Variants in SCUBE1 observed in about 807,000 individuals in gnomAD.
SCUBE1 encodes the protein signal peptide, CUB and EGF-like domain-containing protein 1.
In SCUBE1, 59 loss-of-function variants were observed where a neutral mutation model predicts 124.4. That is an observed-to-expected ratio of 0.47 (90% CI 0.38 to 0.59). The LOEUF is 0.59. Ranked by LOEUF, SCUBE1 falls within the 20% of genes least tolerant of loss-of-function variation. SCUBE1 has a pLI of 0.00. For missense variants in SCUBE1, 1,150 were observed against 1,371.2 expected (o/e 0.84, Z 2.55); for synonymous variants, 545 against 550.9 (o/e 0.99, Z 0.15).
At chr22:43,338,911 C>T (rs1397879757) in intron 2 of SCUBE1, among the ~76,000 whole-genome samples, 193 bp downstream of exon 2, 1 of 152,250 alleles carries the variant, frequency 6.6e-6, no homozygotes, top group Non-Finnish European at 1.5e-5. Flanking sequence ...CTCCACCCTT[C>T]CAGGGAAGCA....
intron 8 of SCUBE1, among the ~76,000 whole-genome samples, chr22:43,229,580 C>G (rs1922469915): frequency 6.6e-6 from 1 of 152,168 alleles, no homozygotes; most frequent in Non-Finnish European, 1.5e-5. Flanking sequence ...GGGGAGGCAG[C>G]TGACTTGGGA....
intron 4 of SCUBE1, among the ~76,000 whole-genome samples, chr22:43,285,002 C>G (rs555535697): frequency 2.6e-5 from 4 of 152,156 alleles, no homozygotes; most frequent in Non-Finnish European, 5.9e-5. Flanking sequence ...AAACTCCGAA[C>G]GTTAACCAGA....
chr22:43,238,472 T>C, intron 7 of SCUBE1: 1 of 564,896 alleles, frequency 1.8e-6, no homozygotes, highest in East Asian at 2.9e-5. Context: ...ACGCGCTACA[T>C]TCTACGCGCC....
At position 43,255,516 on chromosome 22, in the gene SCUBE1, G is replaced by A. The variant is rs1179590646; in HGVS notation, c.727+2703C>T. The A allele has an allele frequency of 4.5e-6, 7 of 1,550,504 alleles. No homozygotes were observed. The highest frequency in any genetic ancestry group is 1.4e-5 in the African/African-American group (1 of 73,052). On this transcript the variant is annotated intron_variant, in intron 6 of 21. Transcript: ENST00000360835. This position sits in a 1 kb window ranked among gnomAD's most constrained non-coding sequence, Gnocchi z 4.7. ...TGAGTAGCCGCCGTTTCACCCGCTT[G>A]TCCACATCAGCTACTGACGTGGCAT...
At position 43,239,958 on chromosome 22, in the gene SCUBE1, C is replaced by T. The variant is rs578239202; in HGVS notation, c.728-1004G>A. Among the ~76,000 whole-genome samples the T allele has an allele frequency of 2.1e-4, 32 of 152,298 alleles. No homozygotes were observed. The Middle Eastern group carries it at 0.01, about 49-fold the overall frequency. ...CTCTGTTCCTGTGCTGTGGGGTCTG[C>T]GTTTCTGCAGGCTGGGGGGAGTCAA... On this transcript the variant is annotated intron_variant, in intron 6 of 21. Transcript: ENST00000360835.
intron 12 of SCUBE1, among the ~76,000 whole-genome samples, chr22:43,222,307 T>C (rs1339356949): frequency 6.6e-6 from 1 of 152,208 alleles, no homozygotes; most frequent in Non-Finnish European, 1.5e-5. Flanking sequence ...CGGGAGAACC[T>C]AATAGCCACA....
intron 4 of SCUBE1, among the ~76,000 whole-genome samples, chr22:43,285,769 C>T (rs1022519929): frequency 3.3e-5 from 5 of 152,196 alleles, no homozygotes; most frequent in South Asian, 2.1e-4. Context: ...CTCAAACCTC[C>T]GCAGGAAGGA....
rs1223915183 is a variant in SCUBE1 at position 43,289,987 on chromosome 22, G to A, written c.484+1059C>T. On this transcript the variant is annotated intron_variant, in intron 4 of 21. Coordinates refer to ENST00000360835, the MANE Select transcript of SCUBE1 (RefSeq NM_173050.5). The stretch of plus-strand genomic sequence containing the variant: ...GCCTCCAGCGCCTCCTCCTTGTTAA[G>A]GGTCAGCAATGGGGGCGTGCCTGAA... 5.9e-5 allele frequency among the ~76,000 whole-genome samples: 9 copies of A among 152,180 alleles called. 1 individual carries two copies. Among genetic ancestry groups the A allele is most frequent in the Admixed American group, 5.9e-4 (9 of 15,276 alleles).
chr22:43,299,939 C>T (rs1170517276), intron 3 of SCUBE1, among the ~76,000 whole-genome samples: 1 of 152,220 alleles, frequency 6.6e-6, no homozygotes, highest in Non-Finnish European at 1.5e-5. Context: ...GCATCCATGT[C>T]GTAGCGTGAC....
chr22:43,295,774 T>C (rs1236796034), intron 3 of SCUBE1, among the ~76,000 whole-genome samples: 1 of 152,180 alleles, frequency 6.6e-6, no homozygotes, highest in East Asian at 1.9e-4. Flanking sequence ...ATTCACTCAC[T>C]CCGTGAACAC....
Position 43,240,006 on chromosome 22 carries a change from G to A in SCUBE1, c.728-1052C>T, listed in dbSNP as rs113286099. Among the ~76,000 whole-genome samples the A allele has an allele frequency of 5.1e-3, 774 of 152,236 alleles. 7 individuals are homozygous for A. The highest frequency in any genetic ancestry group is 0.018 in the African/African-American group (745 of 41,504). ...CAATGAATACATACCCTCAGCTGTC[G>A]GGACTCCCTGGTGCTAATTAAATGA... On this transcript the variant is annotated intron_variant, in intron 6 of 21. Coordinates refer to ENST00000360835, the MANE Select transcript of SCUBE1 (RefSeq NM_173050.5).
Position 43,238,952 on chromosome 22 carries a change from T to C in SCUBE1, c.730A>G (p.Thr244Ala). The change falls in exon 7 of 22, where the codon ACG (threonine) becomes GCG (alanine). Residue 244 changes from threonine to alanine, a missense_variant and splice_region_variant. Physicochemically the swap from Thr to Ala is moderately conservative, Grantham distance 58. Around this residue, in one of 3 missense-constraint regions of SCUBE1, gnomAD observed 337 missense variants for 482.1 expected, o/e 0.70. Coordinates refer to ENST00000360835, the MANE Select transcript of SCUBE1 (RefSeq NM_173050.5). The part of the protein sequence containing the change: ...LHSDGRTCIE[T>A]CAVNNGGCDR... ...CAGCCTCCGTTATTGACTGCGCACG[T>C]CTCTGGGGAGGGAAAGAGACAGAGA... 6.2e-7 allele frequency: 1 copy of C among 1,609,042 alleles called. No homozygotes were observed. Among genetic ancestry groups the C allele is most frequent in the Non-Finnish European group, 8.5e-7 (1 of 1,176,550 alleles).
chr22:43,258,363 G>A lies in SCUBE1; in HGVS notation c.611-28C>T, dbSNP rs369128466. ...AGTTAGGCCCAAAGTGTACACACGG[G>A]TGTATAAACAGAACAACAAAAACGG... is the stretch of plus-strand genomic sequence containing the variant. On this transcript the variant is annotated intron_variant, in intron 5 of 21. Transcript: ENST00000360835. This position sits in a 1 kb window ranked among gnomAD's most constrained non-coding sequence, Gnocchi z 5.0. The A allele has an allele frequency of 7.0e-5, 105 of 1,508,094 alleles. No individual in the cohort carries two copies. The highest frequency in any genetic ancestry group is 8.9e-5 in the Non-Finnish European group (96 of 1,083,492). 93.4% of individuals were successfully genotyped at this position (1,508,094 alleles called of 1,614,324 possible).
chr22:43,214,225 C>A lies in SCUBE1; in HGVS notation c.1918G>T (p.Gly640Cys). ...GACACACACTGGCCGAGCTCACCAC[C>A]GAAGTGGGTGCCAGGCCCACAGGCA... is the stretch of plus-strand genomic sequence containing the variant. ...CVACGPGTHF[G>C]GELGQCVSCM... Residue 640 changes from glycine (G) to cysteine (C), a missense_variant, in exon 16 of 22, where the codon GGT becomes TGT. By Grantham distance (159) the Gly-to-Cys change is radical. Transcript: ENST00000360835. 7.4e-6 allele frequency: 12 copies of A among 1,612,596 alleles called. No homozygotes were observed. The highest frequency in any genetic ancestry group is 1.0e-5 in the Non-Finnish European group (12 of 1,179,690).
rs1362089254 is a variant in SCUBE1 at position 43,210,288 on chromosome 22, G to A, written c.2384-48C>T. ...GCCTCATCAGGCTCTGCTGGGCAGGGGCCCTGGCCGGCCAGGCCTCTAACC... is the reference window on the plus strand; with the variant it reads ...GCCTCATCAGGCTCTGCTGGGCAGGAGCCCTGGCCGGCCAGGCCTCTAACC... On this transcript the variant is annotated intron_variant, in intron 18 of 21. Transcript: ENST00000360835. The surrounding 1 kb of genome is among the most constrained non-coding windows in gnomAD (Gnocchi z 4.5). 2 of 1,453,550 alleles carry A rather than the reference G, an allele frequency of 1.4e-6. No homozygotes were observed. Among genetic ancestry groups the A allele is most frequent in the African/African-American group, 1.4e-5 (1 of 69,422 alleles). The allele number at this position is 1,453,550 out of a possible 1,614,324, so 90.0% of individuals were successfully genotyped here.
chr22:43,302,429 A>G (rs1342745974), intron 3 of SCUBE1, among the ~76,000 whole-genome samples: 7 of 152,164 alleles, frequency 4.6e-5, no homozygotes, highest in Admixed American at 3.9e-4. Context: ...CATTTCACTC[A>G]CTTTGCTAGA....
chr22:43,322,653 C>T (rs933373054), intron 2 of SCUBE1, among the ~76,000 whole-genome samples: 2 of 152,164 alleles, frequency 1.3e-5, no homozygotes, highest in South Asian at 2.1e-4. Flanking sequence ...TCCCTCCTTT[C>T]CTCCTTCAAG....
chr22:43,204,026 C>A lies in SCUBE1; in HGVS notation c.2938G>T (p.Val980Leu), dbSNP rs561570323. ...TTGTAGGGCCGCAGGAACCGAGACACTTTGGAGCGCAGCAGTTTGATGAAG... is the reference window on the plus strand; with the variant it reads ...TTGTAGGGCCGCAGGAACCGAGACAATTTGGAGCGCAGCAGTTTGATGAAG... ...RSFIKLLRSK[V>L]SRFLRPYK Residue 980 changes from valine (V) to leucine (L), a missense_variant, in exon 22 of 22, where the codon GTG becomes TTG. Around this residue, in one of 3 missense-constraint regions of SCUBE1, gnomAD observed 757 missense variants for 840.9 expected, o/e 0.90. Transcript: ENST00000360835. 1 of 1,614,186 alleles carries A rather than the reference C, an allele frequency of 6.2e-7. No homozygotes were observed. The highest frequency in any genetic ancestry group is 1.3e-5 in the African/African-American group (1 of 75,062).
intron 8 of SCUBE1, 53 bp from the exon 9 acceptor site, chr22:43,229,241 G>C (rs1922455632): frequency 1.6e-5 from 17 of 1,060,654 alleles, no homozygotes; most frequent in Non-Finnish European, 2.5e-5. Context: ...GGAGTGGTGG[G>C]TGGGCACGGC....
Sources: allele counts gnomAD v4.1 joint callset (sites outside exome capture counted in the v4.1 genomes callset), GRCh38; gene constraint gnomAD v4.1.1; regional missense constraint gnomAD v4.1.1; non-coding constraint Gnocchi (gnomAD v3.1); transcripts MANE v1.5; gene names NCBI Gene and HGNC (gene_info 2026-07-23, HGNC 2026-07-21).